PALM2AKAP2: variants seen among roughly 807,000 people sequenced by gnomAD.
PALM2AKAP2 encodes the protein PALM2 and AKAP2 fusion.
Under a neutral mutation model 71.5 loss-of-function variants are expected in PALM2AKAP2, and 37 were observed. The observed-to-expected ratio is 0.52, with a 90% CI of 0.40 to 0.68. PALM2AKAP2 has a LOEUF of 0.68. Ranked by LOEUF, PALM2AKAP2 falls within the 30% of genes least tolerant of loss-of-function variation. The pLI, the probability that PALM2AKAP2 is intolerant of heterozygous loss-of-function variation, is 0.00. For missense variants in PALM2AKAP2, 1,224 were observed against 1,191.8 expected (o/e 1.03, Z -0.40); for synonymous variants, 468 against 478.8 (o/e 0.98, Z 0.29).
intron 2 of PALM2AKAP2, among the ~76,000 whole-genome samples, chr9:110,147,646 A>G (rs1836210721): frequency 6.6e-6 from 1 of 152,122 alleles, no homozygotes; most frequent in Admixed American, 6.5e-5. Context: ...AGTGGTGTGT[A>G]CCTTTAGTCC....
chr9:109,791,019 A>C (rs986816615), intron 1 of PALM2AKAP2, among the ~76,000 whole-genome samples: 1 of 152,210 alleles, frequency 6.6e-6, no homozygotes, highest in Non-Finnish European at 1.5e-5. Flanking sequence ...GTTGTTAATC[A>C]AATAAAACTC....
chr9:110,031,231 T>G (rs1833272342), intron 7 of PALM2AKAP2, among the ~76,000 whole-genome samples: 1 of 152,180 alleles, frequency 6.6e-6, no homozygotes, highest in African/African-American at 2.4e-5. Flanking sequence ...CAAGTATTTC[T>G]TGTGCCTTAG....
At chr9:110,044,076 G>A (rs1178128869), upstream of PALM2AKAP2, among the ~76,000 whole-genome samples, 1 of 151,912 alleles carries the variant, frequency 6.6e-6, no homozygotes, top group Admixed American at 6.6e-5. Flanking sequence ...TTATTGATTT[G>A]CAAAAACTCT....
At chr9:110,066,882 A>G (rs566076554) in intron 1 of PALM2AKAP2, among the ~76,000 whole-genome samples, 1 of 152,222 alleles carries the variant, frequency 6.6e-6, no homozygotes, top group South Asian at 2.1e-4. Flanking sequence ...TTTTGCAGGT[A>G]TTCATGATGC....
chr9:109,721,731 A>T (rs1457919120), intron 1 of PALM2AKAP2, among the ~76,000 whole-genome samples: 1 of 152,144 alleles, frequency 6.6e-6, no homozygotes, highest in Non-Finnish European at 1.5e-5. Flanking sequence ...TCTGGTTGAG[A>T]TCTAGTGGAA....
chr9:109,711,993 TTGTGTGTGTGTGTG>T (rs10611227), intron 1 of PALM2AKAP2, among the ~76,000 whole-genome samples: 1 of 148,608 alleles, frequency 6.7e-6, no homozygotes, highest in Admixed American at 6.7e-5. Flanking sequence ...GTGTGAGTGC[TTGTGTGTGTGTGTG>T]TGTGTGTGTG....
intron 1 of PALM2AKAP2, among the ~76,000 whole-genome samples, chr9:109,734,957 T>C (rs1294898966): frequency 6.6e-6 from 1 of 151,934 alleles, no homozygotes; most frequent in Non-Finnish European, 1.5e-5. Flanking sequence ...GTCAAACATA[T>C]TTACATTGCT....
At chr9:109,773,741 T>C (rs190612227) in intron 1 of PALM2AKAP2, among the ~76,000 whole-genome samples, 2 of 152,202 alleles carry the variant, frequency 1.3e-5, no homozygotes, top group African/African-American at 2.4e-5. Flanking sequence ...CTAGGATTGA[T>C]ACTTTGTCTT....
chr9:109,712,714 C>G (rs535351015), intron 1 of PALM2AKAP2, among the ~76,000 whole-genome samples: 15 of 152,264 alleles, frequency 9.9e-5, no homozygotes, highest in Non-Finnish European at 1.6e-4. Flanking sequence ...GAATGTTTGG[C>G]CCAGAAGAGC....
chr9:109,899,798 G>C lies in PALM2AKAP2; in HGVS notation c.257+19117G>C, dbSNP rs558342914. Among the ~76,000 whole-genome samples, 13 of 152,226 alleles carry C rather than the reference G, an allele frequency of 8.5e-5. No homozygotes were observed. In the South Asian group the frequency reaches 2.7e-3, roughly 32 times the overall value. ...ACGTTCTTCAGCTGCTCTTTATGTG[G>C]TTAACTCCTACTGAACCATCAAGTC... is the stretch of plus-strand genomic sequence containing the variant. On this transcript the variant is annotated intron_variant, in intron 3 of 9. Transcript: ENST00000302798.
intron 1 of PALM2AKAP2, among the ~76,000 whole-genome samples, chr9:109,811,851 G>T (rs1210887447): frequency 6.6e-6 from 1 of 152,216 alleles, no homozygotes; most frequent in East Asian, 1.9e-4. Flanking sequence ...GAGATTATAG[G>T]CATGAGCCAC....
intron 6 of PALM2AKAP2, among the ~76,000 whole-genome samples, chr9:109,942,101 C>T (rs891561392): frequency 1.3e-5 from 2 of 152,096 alleles, no homozygotes; most frequent in African/African-American, 2.4e-5. Flanking sequence ...TTTTAGGTAC[C>T]TAGTTTAGTG....
chr9:109,679,445 C>G (rs979929847), intron 1 of PALM2AKAP2, among the ~76,000 whole-genome samples: 1 of 152,138 alleles, frequency 6.6e-6, no homozygotes, highest in African/African-American at 2.4e-5. Context: ...TGCCACTTCC[C>G]TTTTAAGAAG....
intron 1 of PALM2AKAP2, among the ~76,000 whole-genome samples, chr9:109,738,868 T>C (rs561665635): frequency 1.3e-5 from 2 of 150,336 alleles, no homozygotes; most frequent in East Asian, 1.9e-4. Context: ...TTAAAGTGTT[T>C]CCCTGTGTAC....
chr9:110,080,509 C>T (rs1564293713), intron 1 of PALM2AKAP2, among the ~76,000 whole-genome samples: 1 of 152,138 alleles, frequency 6.6e-6, no homozygotes. Flanking sequence ...AGATGGGAAA[C>T]ACGATGTAAA....
chr9:109,694,329 G>T (rs1484783252), intron 1 of PALM2AKAP2, among the ~76,000 whole-genome samples: 1 of 152,020 alleles, frequency 6.6e-6, no homozygotes, highest in Non-Finnish European at 1.5e-5. Flanking sequence ...TAATTTGTAT[G>T]TGTCACACAC....
chr9:109,760,825 A>G (rs1829039786), intron 1 of PALM2AKAP2, among the ~76,000 whole-genome samples: 1 of 152,168 alleles, frequency 6.6e-6, no homozygotes, highest in South Asian at 2.1e-4. Context: ...TTCCTCCCCA[A>G]GAGCTCCCTG....
intron 1 of PALM2AKAP2, among the ~76,000 whole-genome samples, chr9:109,656,858 G>T (rs1404457396): frequency 1.3e-5 from 2 of 152,178 alleles, no homozygotes; most frequent in African/African-American, 4.8e-5. Flanking sequence ...CTGTGATATT[G>T]ATGAGGAGGA....
At chr9:109,923,359 T>G (rs982290390) in intron 3 of PALM2AKAP2, among the ~76,000 whole-genome samples, 1 of 152,216 alleles carries the variant, frequency 6.6e-6, no homozygotes, top group Non-Finnish European at 1.5e-5. Flanking sequence ...GAGCACTTAC[T>G]CTGAGCCGGT....
Sources: gnomAD v4.1 joint callset for allele counts (sites outside exome capture counted in the v4.1 genomes callset) on GRCh38, gnomAD v4.1.1 for gene constraint, MANE v1.5 for transcripts, NCBI Gene and HGNC (gene_info 2026-07-23, HGNC 2026-07-21) for gene names.